The following GLIS2 variants were observed in gnomAD, a reference collection of about 807,000 sequenced individuals.
GLIS2 encodes GLIS family zinc finger 2, also known as zinc finger protein GLIS2.
GLIS2 carries 14 observed loss-of-function variants against 35.6 expected under a neutral mutation model. That is an observed-to-expected ratio of 0.39 (90% confidence interval 0.26 to 0.61). The LOEUF is 0.61. Among genes scored for constraint, GLIS2 ranks in the 20% least tolerant of loss-of-function variants. The probability of loss-of-function intolerance (pLI) is 0.48; values close to 1 mark genes in which losing one functional copy is unlikely to be tolerated. For synonymous variants in GLIS2, 368 were observed against 325.1 expected, an observed-to-expected ratio of 1.13 and a Z score of -1.42; for missense variants, 675 against 713.4, an observed-to-expected ratio of 0.95 and a Z score of 0.61.
At chr16:4,325,313 T>G (rs536946123) in intron 1 of GLIS2, 1 of 152,310 alleles carries the variant, frequency 6.6e-6, no homozygotes, top group Non-Finnish European at 1.5e-5. Flanking sequence ...CTGTGGGACC[T>G]TGGATGGGTC....
chr16:4,328,106 G>A (rs1183768635), intron 1 of GLIS2, among the ~76,000 whole-genome samples: 3 of 152,354 alleles, frequency 2.0e-5, no homozygotes, highest in Middle Eastern at 3.4e-3. Context: ...CGCCCGGGGA[G>A]CATCCACGGG....
chr16:4,316,058 G>A (rs1392830448), upstream of GLIS2, among the ~76,000 whole-genome samples: 2 of 118,786 alleles, frequency 1.7e-5, no homozygotes, highest in Non-Finnish European at 3.4e-5. Flanking sequence ...CGGCCCGGCC[G>A]CCGCGGCCAC....
At chr16:4,324,982 C>A (rs1018453478) in intron 1 of GLIS2, among the ~76,000 whole-genome samples, 1 of 152,322 alleles carries the variant, frequency 6.6e-6, no homozygotes, top group East Asian at 1.9e-4. Context: ...TGCCCGCCAG[C>A]CCCTGCTGCT....
rs76398541 is a variant in GLIS2 at position 4,320,986 on chromosome 16, G to A, written c.-67+4732G>A. 4.2e-3 allele frequency among the ~76,000 whole-genome samples: 644 copies of A among 152,346 alleles called. 4 individuals carry two copies. Among genetic ancestry groups the A allele is most frequent in the African/African-American group, 0.015 (612 of 41,572 alleles). On this transcript the variant is annotated intron_variant, in intron 1 of 6. Transcript: ENST00000433375. The surrounding 1 kb of genome is among the most constrained non-coding windows in gnomAD (Gnocchi z 5.6). ...TGCCAGTGGGTGTTCCCCTTTGGAAGGAAAAGGACCTCGATGGCTTTGGAG... is the reference window on the plus strand; with the variant it reads ...TGCCAGTGGGTGTTCCCCTTTGGAAAGAAAAGGACCTCGATGGCTTTGGAG...
chr16:4,320,640 C>T lies in GLIS2; in HGVS notation c.-67+4386C>T, dbSNP rs372425631. 1.1e-4 allele frequency among the ~76,000 whole-genome samples: 17 copies of T among 152,320 alleles called. No homozygotes were observed. In the East Asian group the frequency reaches 2.9e-3, roughly 26 times the overall value. Reference sequence around the variant, plus strand: ...AAGAAGCCTCTCCCCTTCCCTGCATCGTCTGCCTGGGGCTGTCTAGCAAGT... The same window carrying T: ...AAGAAGCCTCTCCCCTTCCCTGCATTGTCTGCCTGGGGCTGTCTAGCAAGT... On this transcript the variant is annotated intron_variant, in intron 1 of 6. Coordinates refer to ENST00000433375, the MANE Select transcript of GLIS2 (RefSeq NM_032575.3). This position sits in a 1 kb window ranked among gnomAD's most constrained non-coding sequence, Gnocchi z 5.6.
intron 1 of GLIS2, among the ~76,000 whole-genome samples, chr16:4,321,417 A>C (rs1012590795): frequency 6.6e-6 from 1 of 152,196 alleles, no homozygotes; most frequent in Non-Finnish European, 1.5e-5. Context: ...CTTGGGGGTA[A>C]AGGCGGGAAT....
At chr16:4,336,433 C>T (rs2053552108) in intron 6 of GLIS2, 2 of 579,708 alleles carry the variant, frequency 3.5e-6, no homozygotes, top group Admixed American at 5.9e-5. Context: ...AGGCGTGAGC[C>T]ACCGGGCCCG....
At chr16:4,336,696 T>C (rs368208093) in intron 6 of GLIS2, 29 bp from the exon 7 acceptor site, 25 of 1,569,360 alleles carry the variant, frequency 1.6e-5, no homozygotes, top group Non-Finnish European at 2.2e-5. Context: ...AGACCCCTCA[T>C]GGCGGCACTG....
At chr16:4,334,704 GA>G in intron 3 of GLIS2, 96 bp from the exon 4 acceptor site, 2 of 1,443,652 alleles carry the variant, frequency 1.4e-6, no homozygotes, top group African/African-American at 2.8e-5. Context: ...AAGAGGACCT[GA>G]ATGTCTCTGT....
intron 6 of GLIS2, 88 bp from the exon 7 acceptor site, chr16:4,336,637 T>C (rs2053553790): frequency 2.2e-6 from 3 of 1,336,966 alleles, no homozygotes; most frequent in African/African-American, 2.9e-5. Flanking sequence ...CAGGGAGTGC[T>C]TGGCCCGGGG....
rs748789915 is a variant in GLIS2 at position 4,337,114 on chromosome 16, G to A, written c.1165G>A (p.Gly389Ser). Residue 389 changes from glycine (G) to serine (S), a missense_variant, in exon 7 of 7, where the codon GGT becomes AGT. Coordinates refer to ENST00000433375, the MANE Select transcript of GLIS2 (RefSeq NM_032575.3). The stretch of plus-strand genomic sequence containing the variant: ...CCTCAGTGCCCTGGCCTGTGGCAAC[G>A]GTGGGGGCAGTGGGGGTGGGGGGGG... ...LDLSALACGN[G>S]GGSGGGGGMG... The A allele has an allele frequency of 9.1e-6, 14 of 1,536,142 alleles. No individual in the cohort carries two copies. Among genetic ancestry groups the A allele is most frequent in the East Asian group, 2.4e-5 (1 of 40,922 alleles).
At position 4,339,130 on chromosome 16, in the gene GLIS2, A is replaced by C. The variant is rs574015717; in HGVS notation, c.*1606A>C. On this transcript the variant is annotated 3_prime_UTR_variant, in exon 7 of 7. Coordinates refer to ENST00000433375, the MANE Select transcript of GLIS2 (RefSeq NM_032575.3). ...CACTGGGCTTTGGACTCCAGCCCTG[A>C]CAGGGCCCAGCCACACTGGCTCTGC... 44 of 152,536 alleles carry C rather than the reference A, an allele frequency of 2.9e-4. No individual in the cohort carries two copies. Among genetic ancestry groups the C allele is most frequent in the African/African-American group, 7.7e-4 (32 of 41,580 alleles). 9.4% of individuals were successfully genotyped at this position (152,536 alleles called of 1,614,324 possible). A position where few individuals can be genotyped will look rare whatever the true frequency, so the allele number is the denominator to read the frequency against.
At chr16:4,321,813 G>A (rs919703336) in intron 1 of GLIS2, among the ~76,000 whole-genome samples, 1 of 152,162 alleles carries the variant, frequency 6.6e-6, no homozygotes, top group African/African-American at 2.4e-5. Context: ...GGATACCAGG[G>A]CCAGTGGGAG....
At chr16:4,315,606 C>G (rs1397381938), upstream of GLIS2, among the ~76,000 whole-genome samples, 2 of 151,462 alleles carry the variant, frequency 1.3e-5, no homozygotes, top group African/African-American at 4.8e-5. Context: ...GGCTCCCCCG[C>G]CCCCCCAGGC....
At chr16:4,322,080 G>C (rs531433592) in intron 1 of GLIS2, among the ~76,000 whole-genome samples, 2 of 152,056 alleles carry the variant, frequency 1.3e-5, no homozygotes, top group East Asian at 1.9e-4. Context: ...CTGGAGGAAA[G>C]AGAACAGGGG....
At chr16:4,334,685 G>T in intron 3 of GLIS2, 116 bp from the exon 4 acceptor site, 1 of 1,220,610 alleles carries the variant, frequency 8.2e-7, no homozygotes, top group African/African-American at 1.5e-5. Flanking sequence ...ACAGGTAGGG[G>T]CTGGGGAGAA....
chr16:4,335,417 T>C lies in GLIS2; in HGVS notation c.775+24T>C. The C allele has an allele frequency of 6.2e-7, 1 of 1,610,200 alleles. No individual in the cohort carries two copies. The highest frequency in any genetic ancestry group is 8.5e-7 in the Non-Finnish European group (1 of 1,177,482). ...AGGTAAGAGGCCGGGGCCGGGCGGC[T>C]TGGCCCATGAAGGGGGCGCTCAGCT... On this transcript the variant is annotated intron_variant, in intron 6 of 6. Transcript: ENST00000433375. The surrounding 1 kb of genome is among the most constrained non-coding windows in gnomAD (Gnocchi z 4.6).
In GLIS2 at chr16:4,332,533, G is replaced by C. The variant is rs2053509436; in HGVS notation, c.172+81G>C. The C allele has an allele frequency of 1.3e-6, 2 of 1,485,628 alleles. No homozygotes were observed. The highest frequency in any genetic ancestry group is 3.6e-5 in the Admixed American group (2 of 55,224). The allele number at this position is 1,485,628 out of a possible 1,614,324, so 92.0% of individuals were successfully genotyped here. ...GGAGAATGGCCAAGTGTGTCCACCA[G>C]CATGTAGCTGCAGCCCCTCTCGGCT... On this transcript the variant is annotated intron_variant, in intron 2 of 6. Coordinates refer to ENST00000433375, the MANE Select transcript of GLIS2 (RefSeq NM_032575.3). The surrounding 1 kb of genome is among the most constrained non-coding windows in gnomAD (Gnocchi z 5.4).
Position 4,335,356 on chromosome 16 carries a change from C to T in GLIS2, c.738C>T (p.Arg246=). The T allele has an allele frequency of 1.2e-6, 2 of 1,613,772 alleles. No homozygotes were observed. The highest frequency in any genetic ancestry group is 2.2e-5 in the South Asian group (2 of 91,080). ...RCPTCSKSFS[R]LENLKIHNRS... Reference sequence around the variant, plus strand: ...CGACCTGCAGCAAGAGCTTCTCCCGCCTGGAGAACCTGAAGATCCACAACC... The same window carrying T: ...CGACCTGCAGCAAGAGCTTCTCCCGTCTGGAGAACCTGAAGATCCACAACC... The change falls in exon 6 of 7, where the codon CGC becomes CGT. Residue 246 remains arginine (R), a synonymous_variant. Transcript: ENST00000433375. The surrounding 1 kb of genome is among the most constrained non-coding windows in gnomAD (Gnocchi z 4.6).
Sources: allele counts gnomAD v4.1 joint callset (sites outside exome capture counted in the v4.1 genomes callset), GRCh38; gene constraint gnomAD v4.1.1; non-coding constraint Gnocchi (gnomAD v3.1); transcripts MANE v1.5; gene names NCBI Gene and HGNC (gene_info 2026-07-23, HGNC 2026-07-21).